The following PBX1 variants were observed in gnomAD, a reference collection of about 807,000 sequenced individuals.
PBX1 encodes the protein PBX homeobox 1, also known as pre-B-cell leukemia transcription factor 1.
A neutral mutation model predicts 53.4 loss-of-function variants in PBX1; 6 were observed. The ratio of observed to expected loss-of-function variants is 0.11; its 90% CI spans 0.06 to 0.22. PBX1 has a LOEUF of 0.22. Among genes scored for constraint, PBX1 ranks in the 10% least tolerant of loss-of-function variants. PBX1 has a pLI of 1.00. For missense variants in PBX1, 251 were observed against 551.4 expected (o/e 0.46, Z 5.46); for synonymous variants, 204 against 212.3 (o/e 0.96, Z 0.34).
intron 2 of PBX1, among the ~76,000 whole-genome samples, chr1:164,614,648 A>G (rs1427654806): frequency 6.6e-6 from 1 of 152,220 alleles, no homozygotes; most frequent in Non-Finnish European, 1.5e-5. Flanking sequence ...ATCATAAAAA[A>G]ATGGACTCCC....
At chr1:164,750,145 GGTGTGTGT>G (rs10665357) in intron 2 of PBX1, among the ~76,000 whole-genome samples, 31 of 140,846 alleles carry the variant, frequency 2.2e-4, no homozygotes, top group African/African-American at 6.1e-4. Flanking sequence ...GGGGCTAGTT[GGTGTGTGT>G]GTGTGTGTGT....
intron 8 of PBX1, among the ~76,000 whole-genome samples, chr1:164,825,350 G>A (rs571983449): frequency 3.3e-5 from 5 of 152,028 alleles, no homozygotes; most frequent in South Asian, 2.1e-4. Context: ...ACATACATGC[G>A]CAGAAATTAC....
At chr1:164,717,782 G>GA (rs1194942845) in intron 2 of PBX1, among the ~76,000 whole-genome samples, 1 of 152,176 alleles carries the variant, frequency 6.6e-6, no homozygotes, top group Non-Finnish European at 1.5e-5. Context: ...TTGTCTAGGG[G>GA]AAGATGGTGG....
rs569316476 is a variant in PBX1 at position 164,831,865 on chromosome 1, C to G, written c.1200+10239C>G. On this transcript the variant is annotated intron_variant, in intron 8 of 8. Coordinates refer to ENST00000420696, the MANE Select transcript of PBX1 (RefSeq NM_002585.4). ...CACCTCCTATCCTCAGTCCCTCATTCTATCTTATAGCCAAGCATTGCTAGA... is the reference window on the plus strand; with the variant it reads ...CACCTCCTATCCTCAGTCCCTCATTGTATCTTATAGCCAAGCATTGCTAGA... Among the ~76,000 whole-genome samples, 3 of 152,250 alleles carry G rather than the reference C, an allele frequency of 2.0e-5. No homozygotes were observed. In the South Asian group the frequency reaches 6.2e-4, roughly 32 times the overall value.
chr1:164,846,493 G>A, intron 8 of PBX1, 91 bp from the exon 9 acceptor site: 1 of 1,048,554 alleles, frequency 9.5e-7, no homozygotes, highest in Non-Finnish European at 1.5e-6. Context: ...ACTATGCTAG[G>A]TCCTTTACAC....
Position 164,799,851 on chromosome 1 carries a change from G to A in PBX1, c.663G>A (p.Glu221=). The change falls in exon 4 of 9, where the codon GAG becomes GAA. Residue 221 remains glutamate, a synonymous_variant. Coordinates refer to ENST00000420696, the MANE Select transcript of PBX1 (RefSeq NM_002585.4). ...IQMQLKQSTC[E]AVMILRSRFL... Reference sequence around the variant, plus strand: ...TGCAGCTCAAGCAGAGCACGTGCGAGGCGGTGATGATCCTGCGTTCCCGAT... The same window carrying A: ...TGCAGCTCAAGCAGAGCACGTGCGAAGCGGTGATGATCCTGCGTTCCCGAT... 9.9e-6 allele frequency: 16 copies of A among 1,613,862 alleles called. No individual in the cohort carries two copies. The highest frequency in any genetic ancestry group is 2.2e-5 in the East Asian group (1 of 44,862).
intron 2 of PBX1, among the ~76,000 whole-genome samples, chr1:164,582,719 C>T (rs1338371230): frequency 2.6e-5 from 4 of 152,070 alleles, no homozygotes; most frequent in East Asian, 1.9e-4. Flanking sequence ...CCACCGTGCC[C>T]GGCCTCATAA....
intron 6 of PBX1, chr1:164,818,685 T>G (rs1205351043): frequency 2.0e-5 from 3 of 152,252 alleles, no homozygotes; most frequent in Middle Eastern, 3.4e-3. Flanking sequence ...ATCATCTGCT[T>G]TCTCTAAATG....
chr1:164,768,454 A>G (rs567385521), intron 2 of PBX1, among the ~76,000 whole-genome samples: 51 of 152,336 alleles, frequency 3.3e-4, no homozygotes, highest in African/African-American at 1.2e-3. Flanking sequence ...AGACCCTACT[A>G]TTAACATTCT....
At chr1:164,856,616 C>T (rs181851079), downstream of PBX1, among the ~76,000 whole-genome samples, 13 of 152,214 alleles carry the variant, frequency 8.5e-5, no homozygotes, top group Non-Finnish European at 1.5e-4. Context: ...AGTGTGTTTC[C>T]GCCCTCCCAG....
At chr1:164,824,731 C>G (rs1670362101) in intron 8 of PBX1, among the ~76,000 whole-genome samples, 1 of 152,126 alleles carries the variant, frequency 6.6e-6, no homozygotes, top group Non-Finnish European at 1.5e-5. Flanking sequence ...TCTCATGTGA[C>G]AATGGGCAAT....
chr1:164,791,514 T>A (rs939517740), intron 2 of PBX1, among the ~76,000 whole-genome samples: 1 of 152,192 alleles, frequency 6.6e-6, no homozygotes, highest in African/African-American at 2.4e-5. Flanking sequence ...CTTCTTGCTA[T>A]GTTAGACCTC....
At chr1:164,573,819 T>G (rs1052983686) in intron 2 of PBX1, among the ~76,000 whole-genome samples, 8 of 152,210 alleles carry the variant, frequency 5.3e-5, no homozygotes, top group Non-Finnish European at 1.2e-4. Context: ...CTTGCCATAC[T>G]TCAAGTGCTC....
intron 4 of PBX1, 149 bp downstream of exon 4, chr1:164,800,038 G>T: frequency 1.5e-6 from 1 of 671,946 alleles, no homozygotes; most frequent in Non-Finnish European, 2.5e-6. Context: ...AGACTAGATG[G>T]GCCATCGGTT....
In PBX1 at chr1:164,850,038, TAAAG is replaced by T. The variant is rs1671754863; in HGVS notation, c.*3366_*3369del. ...TAATGAATGTTCTTGTATATTCAGATAAAGAAAAAAAAAACCAAAAAAGCGGTCT... is the reference window on the plus strand; with the variant it reads ...TAATGAATGTTCTTGTATATTCAGATAAAAAAAAAACCAAAAAAGCGGTCT... On this transcript the variant is annotated 3_prime_UTR_variant, in exon 9 of 9. Transcript: ENST00000420696. The T allele has an allele frequency of 4.4e-6, 1 of 225,618 alleles. No individual in the cohort carries two copies. The highest frequency in any genetic ancestry group is 8.8e-6 in the Non-Finnish European group (1 of 113,568). 14.0% of individuals were successfully genotyped at this position (225,618 alleles called of 1,614,324 possible).
chr1:164,706,408 A>G (rs903786571), intron 2 of PBX1, among the ~76,000 whole-genome samples: 2 of 152,232 alleles, frequency 1.3e-5, no homozygotes, highest in African/African-American at 4.8e-5. Flanking sequence ...GAGTCTGGCT[A>G]GGATATCCAT....
chr1:164,746,668 A>G (rs1665911773), intron 2 of PBX1, among the ~76,000 whole-genome samples: 1 of 152,004 alleles, frequency 6.6e-6, no homozygotes, highest in Non-Finnish European at 1.5e-5. Flanking sequence ...TCAGCCTCCC[A>G]AAGTGCTGGG....
intron 2 of PBX1, among the ~76,000 whole-genome samples, chr1:164,707,969 A>G (rs761779028): frequency 2.0e-5 from 3 of 152,376 alleles, no homozygotes; most frequent in South Asian, 4.1e-4. Context: ...AGCAAGGTCC[A>G]TGGCAGGCTA....
intron 2 of PBX1, among the ~76,000 whole-genome samples, chr1:164,647,705 T>TG (rs973911619): frequency 2.0e-5 from 3 of 152,094 alleles, no homozygotes; most frequent in African/African-American, 7.2e-5. Context: ...TAAAATCACC[T>TG]GGGGAACTTT....
Sources: gnomAD v4.1 joint callset for allele counts (sites outside exome capture counted in the v4.1 genomes callset) on GRCh38, gnomAD v4.1.1 for gene constraint, MANE v1.5 for transcripts, NCBI Gene and HGNC (gene_info 2026-07-23, HGNC 2026-07-21) for gene names.